Variants in TRPV1 observed in about 807,000 individuals in gnomAD.
The protein encoded by TRPV1 is transient receptor potential cation channel subfamily V member 1.
A neutral mutation model predicts 82.3 loss-of-function variants in TRPV1; 82 were observed. The ratio of observed to expected loss-of-function variants is 1.00; its 90% CI spans 0.83 to 1.20. The LOEUF is 1.20. TRPV1 is among the 50% of genes most tolerant of loss of function. The pLI is 0.00. For missense variants in TRPV1, 1,067 were observed against 1,096.8 expected (o/e 0.97, Z 0.38); for synonymous variants, 515 against 467.7 (o/e 1.10, Z -1.30).
intron 7 of TRPV1, 119 bp from the exon 8 acceptor site, chr17:3,588,486 G>T: frequency 8.6e-7 from 1 of 1,162,090 alleles, no homozygotes; most frequent in Non-Finnish European, 1.2e-6. Flanking sequence ...CCCCAGGCGA[G>T]TCCCCACCCA....
chr17:3,606,351 G>C (rs983013075), intron 2 of TRPV1, among the ~76,000 whole-genome samples: 2 of 152,208 alleles, frequency 1.3e-5, no homozygotes. Context: ...CAGGCTGACA[G>C]AGCTACCACT....
intron 14 of TRPV1, 79 bp downstream of exon 14, chr17:3,573,554 C>T (rs1376674462): frequency 1.4e-6 from 1 of 737,874 alleles, no homozygotes; most frequent in Non-Finnish European, 1.8e-6. Flanking sequence ...CACCCACCTG[C>T]AGCCAGCTGT....
chr17:3,581,074 G>A (rs150908), intron 10 of TRPV1, among the ~76,000 whole-genome samples: 57,061 of 151,308 alleles, frequency 0.38, 13,441 homozygotes, highest in East Asian at 0.79. Context: ...AGTACAGACA[G>A]GAAGGAAAAT....
chr17:3,582,045 C>T (rs1356528071), intron 10 of TRPV1, among the ~76,000 whole-genome samples: 1 of 148,716 alleles, frequency 6.7e-6, no homozygotes, highest in South Asian at 2.2e-4. Context: ...AAAAAATTAG[C>T]CGGGCGTGGT....
intron 8 of TRPV1, 65 bp downstream of exon 8, chr17:3,588,123 G>C: frequency 6.6e-7 from 1 of 1,511,280 alleles, no homozygotes. Context: ...CTGGACCAGG[G>C]GCTGGGATTG....
chr17:3,573,532 G>GCCCCACCCCCCCCCCC lies in TRPV1; in HGVS notation c.2103+100_2103+101insGGGGGGGGGGGTGGGG. The GCCCCACCCCCCCCCCC allele has an allele frequency of 1.2e-5, 3 of 257,076 alleles. 1 individual carries two copies. The highest frequency in any genetic ancestry group is 6.0e-5 in the South Asian group (2 of 33,506). 15.9% of individuals were successfully genotyped at this position (257,076 alleles called of 1,614,324 possible). On this transcript the variant is annotated intron_variant, in intron 14 of 16. Transcript: ENST00000572705. ...GCCCATACCCTCCTGGCCACACACCGCCCCCACCACCCACCCACCTGCAGC... is the reference window on the plus strand; with the variant it reads ...GCCCATACCCTCCTGGCCACACACCGCCCCACCCCCCCCCCCCCCCCACCACCCACCCACCTGCAGC...
intron 16 of TRPV1, among the ~76,000 whole-genome samples, chr17:3,568,472 C>CA (rs1398651722): frequency 6.6e-6 from 1 of 152,176 alleles, no homozygotes; most frequent in African/African-American, 2.4e-5. Flanking sequence ...TTGCTTCCAA[C>CA]TAAACTCACA....
intron 12 of TRPV1, 46 bp downstream of exon 12, chr17:3,577,552 A>C (rs200019285): frequency 1.4e-4 from 218 of 1,548,148 alleles, no homozygotes; most frequent in Admixed American, 2.3e-4. Context: ...CATGACCACG[A>C]GGTAAGCGGG....
Position 3,583,249 on chromosome 17 carries a change from G to A in TRPV1, c.1476+89C>T. The A allele has an allele frequency of 7.9e-6, 9 of 1,142,200 alleles. No homozygotes were observed. The South Asian group carries it at 1.1e-4, about 14-fold the overall frequency. The allele number at this position is 1,142,200 out of a possible 1,614,324, so 70.8% of individuals were successfully genotyped here. ...CAAGTAGGGCTATGATGTGTCTGAT[G>A]AATTAAAAAGTGAGTGAGCGCTGAG... On this transcript the variant is annotated intron_variant, in intron 10 of 16. Transcript: ENST00000572705.
intron 8 of TRPV1, 110 bp from the exon 9 acceptor site, chr17:3,586,036 C>CCCT (rs1745761134): frequency 1.3e-5 from 18 of 1,404,256 alleles, no homozygotes; most frequent in Non-Finnish European, 1.7e-5. Context: ...AGTCCTCAGC[C>CCCT]CACGGAGCAG....
At chr17:3,607,347 GA>G (rs1028590475) in intron 2 of TRPV1, among the ~76,000 whole-genome samples, 68 of 145,012 alleles carry the variant, frequency 4.7e-4, no homozygotes, top group African/African-American at 1.7e-3. Flanking sequence ...CTGCCTAAAA[GA>G]AAAAAAAAAT....
At chr17:3,567,571 G>T (rs1369089134) in intron 16 of TRPV1, among the ~76,000 whole-genome samples, 8 of 151,844 alleles carry the variant, frequency 5.3e-5, no homozygotes, top group Non-Finnish European at 1.2e-4. Context: ...CCTCAGGAGA[G>T]CCCATCGCCT....
rs1325789173 is a variant in TRPV1, at chr17:3,592,180, C to T, written c.171G>A (p.Glu57=). 1 of 1,613,542 alleles carries T rather than the reference C, an allele frequency of 6.2e-7. No individual in the cohort carries two copies. Among genetic ancestry groups the T allele is most frequent in the East Asian group, 2.2e-5 (1 of 44,880 alleles). Residue 57 remains glutamate, a synonymous_variant, in exon 3 of 17, where the codon GAG becomes GAA. Transcript: ENST00000572705. ...CGTGAGGGCAATCCACCGGGAAAGC[C>T]TCCTCCGAGTCACCCTTCCCAAAGA... is the stretch of plus-strand genomic sequence containing the variant. ...TRLFGKGDSE[E]AFPVDCPHEE... is the part of the protein sequence containing the mutation.
chr17:3,586,597 C>A (rs2075088067), intron 8 of TRPV1, among the ~76,000 whole-genome samples: 1 of 152,136 alleles, frequency 6.6e-6, no homozygotes, highest in Non-Finnish European at 1.5e-5. Context: ...CGTGGTGAAA[C>A]TCCTTCTCTA....
intron 11 of TRPV1, chr17:3,578,922 G>A (rs1389122691): frequency 6.6e-6 from 1 of 152,142 alleles, no homozygotes; most frequent in African/African-American, 2.4e-5. Flanking sequence ...AATTAACACA[G>A]AAACAGAAAA....
At chr17:3,568,952 T>G (rs899292090) in intron 16 of TRPV1, among the ~76,000 whole-genome samples, 7 of 152,228 alleles carry the variant, frequency 4.6e-5, no homozygotes, top group African/African-American at 1.7e-4. Context: ...AAATGATGAG[T>G]TCATGTCCTT....
chr17:3,569,289 T>C (rs375112658), intron 16 of TRPV1, among the ~76,000 whole-genome samples: 6 of 151,406 alleles, frequency 4.0e-5, no homozygotes, highest in African/African-American at 1.5e-4. Context: ...TAGCCGGGTA[T>C]AGTGGCAGGC....
intron 9 of TRPV1, chr17:3,585,490 A>C: frequency 2.6e-6 from 1 of 383,340 alleles, no homozygotes; most frequent in South Asian, 3.5e-5. Flanking sequence ...GTCTACAATC[A>C]GGGACCTGAG....
intron 6 of TRPV1, 69 bp downstream of exon 6, chr17:3,590,181 CCT>C (rs2075139011): frequency 7.5e-6 from 12 of 1,592,742 alleles, no homozygotes; most frequent in Admixed American, 6.8e-5. Context: ...CTCCAAACTC[CCT>C]CTGTCTCTGC....
Sources: gnomAD v4.1 joint callset for allele counts (sites outside exome capture counted in the v4.1 genomes callset) on GRCh38, gnomAD v4.1.1 for gene constraint, MANE v1.5 for transcripts, NCBI Gene and HGNC (gene_info 2026-07-23, HGNC 2026-07-21) for gene names.